Variants in ZNF91 observed in about 807,000 individuals in gnomAD.
ZNF91 encodes the protein zinc finger protein 91 (HPF7, HTF10).
Under a neutral mutation model 12.6 loss-of-function variants are expected in ZNF91, and 7 were observed. The observed-to-expected ratio is 0.55, with a 90% confidence interval of 0.31 to 1.04. The LOEUF is 1.04. Ranked by LOEUF, ZNF91 falls within the 50% of genes least tolerant of loss-of-function variation. The pLI, the probability that ZNF91 is intolerant of heterozygous loss-of-function variation, is 0.05. For missense variants in ZNF91, 1,217 were observed against 1,385.4 expected (o/e 0.88, Z 1.93); for synonymous variants, 453 against 462.6 (o/e 0.98, Z 0.27).
intron 1 of ZNF91, among the ~76,000 whole-genome samples, chr19:23,332,463 G>T (rs1371248878): frequency 1.3e-5 from 2 of 152,042 alleles, no homozygotes; most frequent in Non-Finnish European, 2.9e-5. Flanking sequence ...CCAGCTATTA[G>T]AACTCAAACT....
chr19:23,362,605 CCTTTT>C lies in ZNF91; in HGVS notation c.369_373del (p.Lys124LeufsTer2). ...CTTACACTCATCCACACTTTTACAA[CCTTTT>C]CTTAACTGTAAATTCTCATGTCCAC... On this transcript the variant is annotated frameshift_variant, in exon 4 of 4. Coordinates refer to ENST00000300619, the MANE Select transcript of ZNF91 (RefSeq NM_003430.4). LOFTEE classifies it low-confidence loss of function (END_TRUNC). The C allele has an allele frequency of 6.3e-7, 1 of 1,593,750 alleles. No homozygotes were observed. Among genetic ancestry groups the C allele is most frequent in the Non-Finnish European group, 8.5e-7 (1 of 1,173,848 alleles).
chr19:23,366,994 T>A (rs941095732), intron 3 of ZNF91, among the ~76,000 whole-genome samples: 6 of 152,250 alleles, frequency 3.9e-5, no homozygotes, highest in African/African-American at 1.2e-4. Flanking sequence ...CTAAGTTTTA[T>A]TAAATTTAAG....
At chr19:23,387,373 C>T (rs1403746253) in intron 1 of ZNF91, among the ~76,000 whole-genome samples, 1 of 152,164 alleles carries the variant, frequency 6.6e-6, no homozygotes. Context: ...TTCACAATAG[C>T]AAAGACATGG....
At chr19:23,356,539 G>A (rs974931658), downstream of ZNF91, among the ~76,000 whole-genome samples, 1 of 152,146 alleles carries the variant, frequency 6.6e-6, no homozygotes, top group Admixed American at 6.5e-5. Context: ...ATGCTATGAG[G>A]ATGCAAAGAC....
intron 1 of ZNF91, among the ~76,000 whole-genome samples, chr19:23,315,764 G>A (rs931504719): frequency 7.2e-5 from 11 of 152,124 alleles, no homozygotes; most frequent in African/African-American, 2.4e-4. Flanking sequence ...CAGAGACATT[G>A]CTACATATTT....
At chr19:23,340,460 A>C (rs921351653) in intron 3 of ZNF91, among the ~76,000 whole-genome samples, 4 of 152,036 alleles carry the variant, frequency 2.6e-5, no homozygotes, top group Admixed American at 2.6e-4. Context: ...GAAACAAACA[A>C]CCTCCCAAGA....
rs1421429568 is a variant in ZNF91 at position 23,361,648 on chromosome 19, T to G, written c.1331A>C (p.Asn444Thr). 6.2e-7 allele frequency: 1 copy of G among 1,611,324 alleles called. No homozygotes were observed. The highest frequency in any genetic ancestry group is 8.5e-7 in the Non-Finnish European group (1 of 1,179,072). The change falls in exon 4 of 4, where the codon AAC becomes ACC. Residue 444 changes from asparagine (N) to threonine (T), a missense_variant. Physicochemically the swap from Asn to Thr is moderately conservative, Grantham distance 65. Coordinates refer to ENST00000300619, the MANE Select transcript of ZNF91 (RefSeq NM_003430.4). ...ATGTTTAGTAAGGCTTGAGGACCAG[T>G]TAAATGCTTTGCCACATTCTTCACA... ...YKCEECGKAF[N>T]WSSSLTKHKR...
chr19:23,374,681 A>G lies in ZNF91; in HGVS notation c.114T>C (p.Tyr38=), dbSNP rs746203836. 1 of 1,613,154 alleles carries G rather than the reference A, an allele frequency of 6.2e-7. No individual in the cohort carries two copies. Among genetic ancestry groups the G allele is most frequent in the Non-Finnish European group, 8.5e-7 (1 of 1,179,600 alleles). Residue 38 remains tyrosine, a synonymous_variant, in exon 2 of 4, where the codon TAT becomes TAC. Coordinates refer to ENST00000300619, the MANE Select transcript of ZNF91 (RefSeq NM_003430.4). ...QCLDTAQQNL[Y]RNVMLENYRN... ...TGTAGTTCTCTAACATCACATTCCT[A>G]TATAAATTCTGCTGTGCAGTGTCCA...
chr19:23,355,981 T>A (rs1022546402), downstream of ZNF91, among the ~76,000 whole-genome samples: 3 of 152,042 alleles, frequency 2.0e-5, no homozygotes, highest in African/African-American at 7.2e-5. Flanking sequence ...ATAGCCATAA[T>A]CAAAAGATCA....
chr19:23,354,106 C>A (rs140205218), downstream of ZNF91, among the ~76,000 whole-genome samples: 38 of 152,230 alleles, frequency 2.5e-4, no homozygotes, highest in East Asian at 5.8e-3. Flanking sequence ...GTCAGCATCA[C>A]CCTAATACCA....
intron 1 of ZNF91, among the ~76,000 whole-genome samples, chr19:23,320,055 C>T (rs571917290): frequency 6.6e-6 from 1 of 152,172 alleles, no homozygotes; most frequent in Non-Finnish European, 1.5e-5. Flanking sequence ...GGTATGCACA[C>T]CCTGCCAATC....
chr19:23,357,353 A>G (rs77967298), downstream of ZNF91, among the ~76,000 whole-genome samples: 1,293 of 152,326 alleles, frequency 8.5e-3, 16 homozygotes, highest in African/African-American at 0.029. Flanking sequence ...GCATGGGGAG[A>G]CTCTGAACCA....
intron 1 of ZNF91, among the ~76,000 whole-genome samples, chr19:23,315,727 CCTCT>C (rs961640102): frequency 6.6e-6 from 1 of 152,144 alleles, no homozygotes; most frequent in African/African-American, 2.4e-5. Flanking sequence ...TTATATGAGG[CCTCT>C]CTTTTTTTCT....
In ZNF91 at chr19:23,362,238, A is replaced by G. The variant is rs1968824270; in HGVS notation, c.741T>C (p.Phe247=). 6.2e-7 allele frequency: 1 copy of G among 1,613,090 alleles called. No homozygotes were observed. The highest frequency in any genetic ancestry group is 8.5e-7 in the Non-Finnish European group (1 of 1,179,348). ...PYKCEECGKA[F]KQLSTLTTHK... The stretch of plus-strand genomic sequence containing the variant: ...GTGTAGTAAGGGTTGAGAGCTGCTT[A>G]AAAGCTTTGCCACATTCTTCACATT... Residue 247 remains phenylalanine, a synonymous_variant, in exon 4 of 4, where the codon TTT becomes TTC. Coordinates refer to ENST00000300619, the MANE Select transcript of ZNF91 (RefSeq NM_003430.4).
intron 3 of ZNF91, among the ~76,000 whole-genome samples, chr19:23,369,543 T>C (rs1228548559): frequency 6.6e-6 from 1 of 152,128 alleles, no homozygotes; most frequent in Non-Finnish European, 1.5e-5. Flanking sequence ...ATGATGACGA[T>C]GGCAGTTTTG....
chr19:23,320,804 A>C (rs1043808255), intron 1 of ZNF91, among the ~76,000 whole-genome samples: 17 of 152,238 alleles, frequency 1.1e-4, no homozygotes, highest in South Asian at 2.1e-4. Context: ...CACAGTCAAG[A>C]GTAAAGATTG....
rs145388941 is a variant in ZNF91 at position 23,382,916 on chromosome 19, C to T, written c.31-8152G>A. ...ACCAGACATTCACAGGTGGACCAGACGTACAAAAAAGTGCTGGTATTATTT... is the reference window on the plus strand; with the variant it reads ...ACCAGACATTCACAGGTGGACCAGATGTACAAAAAAGTGCTGGTATTATTT... On this transcript the variant is annotated intron_variant, in intron 1 of 3. Transcript: ENST00000300619. Among the ~76,000 whole-genome samples the T allele has an allele frequency of 3.4e-3, 521 of 152,146 alleles. 3 individuals carry two copies. In the Middle Eastern group the frequency reaches 0.037, roughly 11 times the overall value.
intron 1 of ZNF91, among the ~76,000 whole-genome samples, chr19:23,394,154 G>T (rs537883443): frequency 1.3e-5 from 2 of 152,268 alleles, no homozygotes; most frequent in South Asian, 4.1e-4. Context: ...TAGGCTGGAG[G>T]AACAGGGGAT....
chr19:23,366,669 A>C (rs1969027554), intron 3 of ZNF91, among the ~76,000 whole-genome samples: 1 of 152,240 alleles, frequency 6.6e-6, no homozygotes, highest in South Asian at 2.1e-4. Flanking sequence ...AGACAGAGCA[A>C]GTACGAGGTG....
Sources: gnomAD v4.1 joint callset for allele counts (sites outside exome capture counted in the v4.1 genomes callset) on GRCh38, gnomAD v4.1.1 for gene constraint, MANE v1.5 for transcripts, NCBI Gene and HGNC (gene_info 2026-07-23, HGNC 2026-07-21) for gene names.